The following MGAT4C variants were observed in gnomAD, a reference collection of about 807,000 sequenced individuals.
MGAT4C encodes MGAT4 family member C.
A neutral mutation model predicts 40.1 loss-of-function variants in MGAT4C; 19 were observed. That is an observed-to-expected ratio of 0.47 (90% CI 0.33 to 0.70). The LOEUF (loss-of-function observed/expected upper bound fraction) is 0.70, where lower values mean the gene tolerates loss of function less well. Among genes scored for constraint, MGAT4C ranks in the 30% least tolerant of loss-of-function variants. The pLI is 0.02. For missense variants in MGAT4C, 491 were observed against 563.2 expected (o/e 0.87, Z 1.30); for synonymous variants, 181 against 187.1 (o/e 0.97, Z 0.27).
At chr12:86,270,350 G>A (rs1952913476) in intron 4 of MGAT4C, among the ~76,000 whole-genome samples, 1 of 151,986 alleles carries the variant, frequency 6.6e-6, no homozygotes, top group South Asian at 2.1e-4. Flanking sequence ...CAAAGTGCTG[G>A]GATTACAGGT....
rs1950031575 is a variant in MGAT4C at position 86,684,181 on chromosome 12, T to C, written c.-229+43028A>G. 2.0e-5 allele frequency among the ~76,000 whole-genome samples: 3 copies of C among 152,022 alleles called. No individual in the cohort carries two copies. The South Asian group carries it at 6.2e-4, about 31-fold the overall frequency. On this transcript the variant is annotated intron_variant, in intron 2 of 7. Coordinates refer to the MGAT4C transcript ENST00000548651. ...ACTTGAGGTCATGCATTACCTCCCC[T>C]TGCTCCTCACCCCTTAACAGGCCCT...
intron 1 of MGAT4C, among the ~76,000 whole-genome samples, chr12:86,057,165 C>A (rs1166886847): frequency 6.6e-6 from 1 of 151,754 alleles, no homozygotes; most frequent in Non-Finnish European, 1.5e-5. Context: ...TATGTAAACT[C>A]TTTTACTAAT....
chr12:86,703,140 G>A lies in MGAT4C; in HGVS notation c.-229+24069C>T, dbSNP rs559123701. 7.9e-3 allele frequency among the ~76,000 whole-genome samples: 1,196 copies of A among 152,236 alleles called. 5 individuals are homozygous for A. The highest frequency in any genetic ancestry group is 0.027 in the Middle Eastern group (8 of 294). ...AATTGTTGAAATCTCATGATCACAC[G>A]TAAATAGATGAGGAATTGCTTCTTA... is the stretch of plus-strand genomic sequence containing the variant. On this transcript the variant is annotated intron_variant, in intron 2 of 7. Transcript: ENST00000548651.
intron 1 of MGAT4C, among the ~76,000 whole-genome samples, chr12:86,744,820 C>T (rs1205038071): frequency 2.0e-5 from 3 of 151,486 alleles, no homozygotes; most frequent in East Asian, 3.9e-4. Flanking sequence ...ATAGCTGCAC[C>T]ACATCTGAGG....
Position 86,838,105 on chromosome 12 carries a change from T to C in MGAT4C, c.-262+561A>G, listed in dbSNP as rs904131842. Among the ~76,000 whole-genome samples, 3 of 152,288 alleles carry C rather than the reference T, an allele frequency of 2.0e-5. No homozygotes were observed. The South Asian group carries it at 6.2e-4, about 32-fold the overall frequency. ...AGTAAAATCCTTTCAAACTCAAAAA[T>C]AGATATCTGTAAGGCAAACAATTAT... On this transcript the variant is annotated intron_variant, in intron 1 of 7. Transcript: ENST00000548651.
At chr12:86,553,054 A>G (rs1959443733) in intron 2 of MGAT4C, among the ~76,000 whole-genome samples, 1 of 152,084 alleles carries the variant, frequency 6.6e-6, no homozygotes, top group African/African-American at 2.4e-5. Flanking sequence ...CTTTTTCTAG[A>G]TATCATACTA....
chr12:86,350,940 T>G (rs1224364815), intron 3 of MGAT4C, among the ~76,000 whole-genome samples: 2 of 151,938 alleles, frequency 1.3e-5, no homozygotes, highest in Non-Finnish European at 2.9e-5. Flanking sequence ...ATAGACATGT[T>G]GTTTTTTTAA....
intron 3 of MGAT4C, among the ~76,000 whole-genome samples, chr12:86,365,930 C>G (rs563951021): frequency 6.6e-6 from 1 of 152,090 alleles, no homozygotes; most frequent in Non-Finnish European, 1.5e-5. Context: ...TGGAAAATGC[C>G]ATTGGTATTT....
At chr12:86,617,099 T>C (rs919821534) in intron 2 of MGAT4C, among the ~76,000 whole-genome samples, 28 of 152,190 alleles carry the variant, frequency 1.8e-4, no homozygotes, top group African/African-American at 6.3e-4. Context: ...ACTCTCCTCA[T>C]GGACTGAAAC....
At chr12:86,173,266 C>A (rs1264094405) in intron 1 of MGAT4C, among the ~76,000 whole-genome samples, 2 of 151,948 alleles carry the variant, frequency 1.3e-5, no homozygotes, top group Non-Finnish European at 2.9e-5. Flanking sequence ...TCATATTGGG[C>A]AACTATATTT....
At chr12:86,807,235 C>T (rs1027698250) in intron 1 of MGAT4C, among the ~76,000 whole-genome samples, 3 of 151,834 alleles carry the variant, frequency 2.0e-5, no homozygotes, top group African/African-American at 7.3e-5. Flanking sequence ...AGGTATTAAG[C>T]TCAACATGCA....
rs573169447 is a variant in MGAT4C at position 86,255,753 on chromosome 12, T to C, written c.-57+486A>G. Among the ~76,000 whole-genome samples, 12 of 152,256 alleles carry C rather than the reference T, an allele frequency of 7.9e-5. No homozygotes were observed. In the South Asian group the frequency reaches 2.1e-3, roughly 26 times the overall value. On this transcript the variant is annotated intron_variant, in intron 1 of 4. Transcript: ENST00000611864. ...GAAGCCAGAGCCTTTGCTCACTTGG[T>C]AAACTTTGTTTTCCCTGTATAAATG...
At chr12:86,300,380 G>A (rs1415441918) in intron 4 of MGAT4C, among the ~76,000 whole-genome samples, 3 of 152,104 alleles carry the variant, frequency 2.0e-5, no homozygotes, top group African/African-American at 4.8e-5. Flanking sequence ...ACAGACTTAG[G>A]AAACTCCATC....
Position 86,167,777 on chromosome 12 carries a change from T to G in MGAT4C, c.-57+88462A>C, listed in dbSNP as rs528673393. Reference sequence around the variant, plus strand: ...TAAAGGTCCCTCCTATCAACACTGATGCATTGAAGGTTAAATTTCAACACA... The same window carrying G: ...TAAAGGTCCCTCCTATCAACACTGAGGCATTGAAGGTTAAATTTCAACACA... On this transcript the variant is annotated intron_variant, in intron 1 of 4. Coordinates refer to ENST00000611864, the MANE Select transcript of MGAT4C (RefSeq NM_001351288.2). Among the ~76,000 whole-genome samples, 15 of 152,328 alleles carry G rather than the reference T, an allele frequency of 9.8e-5. No individual in the cohort carries two copies. The South Asian group carries it at 3.1e-3, about 32-fold the overall frequency.
chr12:86,223,010 G>C (rs1220812587), intron 1 of MGAT4C, among the ~76,000 whole-genome samples: 1 of 152,168 alleles, frequency 6.6e-6, no homozygotes, highest in Non-Finnish European at 1.5e-5. Context: ...GAGCTGCCTA[G>C]AGAGTGCACA....
intron 1 of MGAT4C, among the ~76,000 whole-genome samples, chr12:86,084,048 AT>A (rs35604886): frequency 0.8 from 121,461 of 151,908 alleles, 49,251 homozygotes; most frequent in East Asian, 0.97. Flanking sequence ...TACTGAGGTG[AT>A]TTTTTCATTC....
chr12:86,257,093 G>A (rs1952541514), upstream of MGAT4C, among the ~76,000 whole-genome samples: 1 of 152,088 alleles, frequency 6.6e-6, no homozygotes, highest in South Asian at 2.1e-4. Flanking sequence ...TAATTTATAA[G>A]CCACTGGAAC....
Position 86,662,721 on chromosome 12 carries a change from C to T in MGAT4C, c.-229+64488G>A, listed in dbSNP as rs183349936. ...GTATGACAGAGTGGATGGTAGCTCT[C>T]ATTTGAGTTGTTATACTTGTAGCTA... On this transcript the variant is annotated intron_variant, in intron 2 of 7. Transcript: ENST00000548651. 3.3e-5 allele frequency among the ~76,000 whole-genome samples: 5 copies of T among 152,184 alleles called. No homozygotes were observed. In the East Asian group the frequency reaches 9.7e-4, roughly 29 times the overall value.
chr12:85,993,194 G>C lies in MGAT4C; in HGVS notation c.-6-3642C>G, dbSNP rs545468397. On this transcript the variant is annotated intron_variant, in intron 2 of 4. Coordinates refer to ENST00000611864, the MANE Select transcript of MGAT4C (RefSeq NM_001351288.2). ...CTAAGTAATTGAGCTCTCCTGGAAG[G>C]ATGTCGTGTTACTTTTGAGTCAAAT... Among the ~76,000 whole-genome samples, 3 of 152,326 alleles carry C rather than the reference G, an allele frequency of 2.0e-5. No individual in the cohort carries two copies. In the South Asian group the frequency reaches 6.2e-4, roughly 32 times the overall value.
Sources: allele counts gnomAD v4.1 joint callset (sites outside exome capture counted in the v4.1 genomes callset), GRCh38; gene constraint gnomAD v4.1.1; transcripts MANE v1.5; gene names NCBI Gene and HGNC (gene_info 2026-07-23, HGNC 2026-07-21).